Variants in CENPQ observed in about 807,000 individuals in gnomAD.
CENPQ encodes the protein chromosome 6 open reading frame 139.
CENPQ carries 27 observed loss-of-function variants against 36.6 expected under a neutral mutation model. The observed-to-expected ratio is 0.74, with a 90% CI of 0.54 to 1.02. The LOEUF is 1.02. Among genes scored for constraint, CENPQ ranks in the 50% least tolerant of loss-of-function variants. The pLI is 0.00. For synonymous variants in CENPQ, 101 were observed against 101.7 expected, an observed-to-expected ratio of 0.99 and a Z score of 0.04; for missense variants, 306 against 301.8, an observed-to-expected ratio of 1.01 and a Z score of -0.10.
chr6:49,482,393 C>T (rs1051544338), intron 6 of CENPQ, among the ~76,000 whole-genome samples: 1 of 152,192 alleles, frequency 6.6e-6, no homozygotes, highest in Non-Finnish European at 1.5e-5. Context: ...CTCAATCCCC[C>T]CTCTAAACAG....
chr6:49,481,135 A>T, intron 6 of CENPQ, 55 bp downstream of exon 6: 13 of 1,429,516 alleles, frequency 9.1e-6, no homozygotes, highest in Non-Finnish European at 1.2e-5. Flanking sequence ...AGGGAAGAAG[A>T]CCAAAGTTTT....
chr6:49,484,827 T>C (rs1768538173), intron 6 of CENPQ, among the ~76,000 whole-genome samples: 1 of 152,228 alleles, frequency 6.6e-6, no homozygotes, highest in African/African-American at 2.4e-5. Flanking sequence ...TTTTCAGTAT[T>C]GGCACTAGCT....
At chr6:49,481,196 G>T in intron 6 of CENPQ, 116 bp downstream of exon 6, 5 of 869,054 alleles carry the variant, frequency 5.8e-6, no homozygotes, top group Non-Finnish European at 8.2e-6. Context: ...CTTGAACCAG[G>T]TTTTTTCATT....
At position 49,472,188 on chromosome 6, in the gene CENPQ, G is replaced by A. The variant is rs1286870838; in HGVS notation, c.278+5G>A. 1 of 1,589,432 alleles carries A rather than the reference G, an allele frequency of 6.3e-7. No individual in the cohort carries two copies. The highest frequency in any genetic ancestry group is 8.6e-7 in the Non-Finnish European group (1 of 1,169,104). On this transcript the variant is annotated splice_donor_5th_base_variant and intron_variant, in intron 4 of 8. Transcript: ENST00000335783. The stretch of plus-strand genomic sequence containing the variant: ...TATGATGGAATCAGTAATAATGTGA[G>A]TATAAAATTGTTCCATTTCATTCTT...
intron 5 of CENPQ, among the ~76,000 whole-genome samples, chr6:49,476,732 A>G (rs1223311016): frequency 2.6e-5 from 4 of 152,306 alleles, no homozygotes; most frequent in South Asian, 4.1e-4. Context: ...TACAAGAAAA[A>G]AACAACCCTA....
intron 8 of CENPQ, 114 bp from the exon 9 acceptor site, chr6:49,492,030 A>G: frequency 1.3e-6 from 1 of 765,490 alleles, no homozygotes; most frequent in Non-Finnish European, 2.1e-6. Context: ...GTTGACAATT[A>G]TTGAAGTTGG....
chr6:49,488,580 A>G (rs745359247), intron 7 of CENPQ, 27 bp from the exon 8 acceptor site: 5 of 1,604,224 alleles, frequency 3.1e-6, no homozygotes, highest in Non-Finnish European at 4.3e-6. Context: ...GCTTTTTGAA[A>G]TAATCTGTAG....
chr6:49,491,837 C>T (rs1768727771), intron 8 of CENPQ, among the ~76,000 whole-genome samples: 1 of 152,110 alleles, frequency 6.6e-6, no homozygotes, highest in Admixed American at 6.5e-5. Context: ...ATTGCTTGAA[C>T]CTGGGAGCTG....
At chr6:49,472,522 A>T (rs1768165862) in intron 4 of CENPQ, among the ~76,000 whole-genome samples, 1 of 152,230 alleles carries the variant, frequency 6.6e-6, no homozygotes, top group African/African-American at 2.4e-5. Flanking sequence ...TACAGAGAAA[A>T]TAAGACAGAA....
chr6:49,466,944 TG>T (rs1383787069), intron 1 of CENPQ, among the ~76,000 whole-genome samples: 5 of 152,236 alleles, frequency 3.3e-5, no homozygotes, highest in African/African-American at 1.2e-4. Flanking sequence ...GTTCTCAACC[TG>T]GGTTGATTTT....
intron 6 of CENPQ, among the ~76,000 whole-genome samples, chr6:49,481,782 G>A (rs1021479737): frequency 7.2e-5 from 11 of 152,150 alleles, no homozygotes; most frequent in Non-Finnish European, 1.6e-4. Context: ...GCCCACACTG[G>A]GGCTGCAGGT....
At chr6:49,481,405 A>G in intron 6 of CENPQ, among the ~76,000 whole-genome samples, 1 of 152,016 alleles carries the variant, frequency 6.6e-6, no homozygotes, top group African/African-American at 2.4e-5. Context: ...CGTGTCTGGA[A>G]TTTGTTCCTC....
intron 2 of CENPQ, among the ~76,000 whole-genome samples, chr6:49,470,539 T>C (rs1768104747): frequency 1.3e-5 from 2 of 150,670 alleles, no homozygotes; most frequent in Non-Finnish European, 2.9e-5. Flanking sequence ...GCAGAATTGC[T>C]TGAACCCGGG....
In CENPQ at chr6:49,492,196, A is replaced by G. The variant is rs749112477; in HGVS notation, c.728A>G (p.Asp243Gly). ...PNQNALLKDLDILHNSSQMKS... is the reference protein window; with the variant it reads ...PNQNALLKDLGILHNSSQMKS... ...CAGAATGCTCTTCTAAAGGACTTGG[A>G]TATTCTTCATAATTCATCACAGATG... Residue 243 changes from aspartate (D) to glycine (G), a missense_variant, in exon 9 of 9, where the codon GAT becomes GGT. Transcript: ENST00000335783. 3.1e-6 allele frequency: 5 copies of G among 1,609,052 alleles called. No homozygotes were observed. The highest frequency in any genetic ancestry group is 4.2e-6 in the Non-Finnish European group (5 of 1,178,546).
intron 5 of CENPQ, among the ~76,000 whole-genome samples, chr6:49,473,187 C>T (rs1178713306): frequency 6.6e-6 from 1 of 152,190 alleles, no homozygotes; most frequent in Non-Finnish European, 1.5e-5. Flanking sequence ...TAGTTCACAA[C>T]TCTTATCTAT....
At chr6:49,483,888 C>CT (rs1768516887) in intron 6 of CENPQ, among the ~76,000 whole-genome samples, 1 of 152,286 alleles carries the variant, frequency 6.6e-6, no homozygotes, top group Admixed American at 6.5e-5. Context: ...GGCTGAAGGG[C>CT]TCCTCAAGTG....
intron 5 of CENPQ, among the ~76,000 whole-genome samples, chr6:49,477,112 C>G (rs1486515378): frequency 1.3e-5 from 2 of 152,162 alleles, no homozygotes; most frequent in East Asian, 3.9e-4. Context: ...TATAAAGACA[C>G]ATGAACATGT....
intron 6 of CENPQ, 116 bp downstream of exon 6, chr6:49,481,196 G>A (rs1768420334): frequency 2.3e-6 from 2 of 869,054 alleles, no homozygotes; most frequent in Non-Finnish European, 3.3e-6. Flanking sequence ...CTTGAACCAG[G>A]TTTTTTCATT....
chr6:49,474,709 A>G (rs1388600774), intron 5 of CENPQ, among the ~76,000 whole-genome samples: 1 of 152,196 alleles, frequency 6.6e-6, no homozygotes, highest in African/African-American at 2.4e-5. Flanking sequence ...TCAAAAAATC[A>G]GTGAATCCAG....
Sources: gnomAD v4.1 joint callset for allele counts (sites outside exome capture counted in the v4.1 genomes callset) on GRCh38, gnomAD v4.1.1 for gene constraint, MANE v1.5 for transcripts, NCBI Gene and HGNC (gene_info 2026-07-23, HGNC 2026-07-21) for gene names.